NFIA: variants seen among roughly 807,000 people sequenced by gnomAD.
NFIA encodes nuclear factor I A.
NFIA carries 8 observed loss-of-function variants against 62.8 expected under a neutral mutation model. The ratio of observed to expected loss-of-function variants is 0.13; its 90% CI spans 0.07 to 0.23. NFIA has a LOEUF of 0.23. NFIA is among the 10% of genes least tolerant of loss of function. The pLI is 1.00. For synonymous variants in NFIA, 235 were observed against 238.1 expected (o/e 0.99, Z 0.12); for missense variants, 410 against 642.1 (o/e 0.64, Z 3.91).
intron 2 of NFIA, among the ~76,000 whole-genome samples, chr1:61,170,029 G>A (rs1172864503): frequency 6.6e-6 from 1 of 152,106 alleles, no homozygotes; most frequent in Non-Finnish European, 1.5e-5. Flanking sequence ...GTAGTCGTTG[G>A]GCATTTGTTG....
At chr1:61,213,445 G>A (rs1332037495) in intron 2 of NFIA, among the ~76,000 whole-genome samples, 1 of 152,180 alleles carries the variant, frequency 6.6e-6, no homozygotes, top group East Asian at 1.9e-4. Flanking sequence ...ATGTAACCCT[G>A]TTCATGATGG....
chr1:61,098,321 A>C (rs1049547772), intron 2 of NFIA, among the ~76,000 whole-genome samples: 8 of 152,254 alleles, frequency 5.3e-5, no homozygotes, highest in Admixed American at 3.3e-4. Context: ...AATGAAGCAA[A>C]GATTCTAGAT....
At chr1:61,137,649 C>A (rs192293208) in intron 2 of NFIA, among the ~76,000 whole-genome samples, 1 of 152,124 alleles carries the variant, frequency 6.6e-6, no homozygotes, top group African/African-American at 2.4e-5. Context: ...TGGGCGTTAG[C>A]ATTTTTTAAA....
intron 9 of NFIA, among the ~76,000 whole-genome samples, chr1:61,411,576 T>A (rs2474375): frequency 0.76 from 115,248 of 151,952 alleles, 44,941 homozygotes; most frequent in East Asian, 0.98. Context: ...GCACTCTTCT[T>A]GGTGCTAGGA....
chr1:61,132,825 T>A (rs1647104576), intron 2 of NFIA: 1 of 152,202 alleles, frequency 6.6e-6, no homozygotes, highest in Non-Finnish European at 1.5e-5. Context: ...TCAGATTTTC[T>A]TACACAATAG....
At chr1:61,372,073 C>T (rs1663915416) in intron 6 of NFIA, among the ~76,000 whole-genome samples, 1 of 152,112 alleles carries the variant, frequency 6.6e-6, no homozygotes, top group Non-Finnish European at 1.5e-5. Flanking sequence ...AGTGTTAAAT[C>T]ATGACTCCAG....
At chr1:61,428,851 A>G (rs1439336297) in intron 10 of NFIA, among the ~76,000 whole-genome samples, 1 of 152,182 alleles carries the variant, frequency 6.6e-6, no homozygotes, top group Non-Finnish European at 1.5e-5. Flanking sequence ...CATGACATTT[A>G]TATTAATTGA....
At chr1:61,234,460 G>A (rs558631117) in intron 2 of NFIA, among the ~76,000 whole-genome samples, 4 of 151,898 alleles carry the variant, frequency 2.6e-5, no homozygotes, top group Admixed American at 6.6e-5. Context: ...TGCGTTATGC[G>A]GGTATACGTC....
intron 2 of NFIA, among the ~76,000 whole-genome samples, chr1:61,198,646 G>A (rs957384392): frequency 3.3e-5 from 5 of 152,266 alleles, no homozygotes; most frequent in Admixed American, 6.5e-5. Context: ...GGCAGGCAGC[G>A]TCTGTATGCG....
At chr1:61,171,306 G>A (rs1649950860) in intron 2 of NFIA, among the ~76,000 whole-genome samples, 1 of 152,124 alleles carries the variant, frequency 6.6e-6, no homozygotes, top group South Asian at 2.1e-4. Flanking sequence ...AAAAAGCCGA[G>A]CAAATCGAAA....
chr1:61,268,199 TACCC>T (rs755942070), intron 2 of NFIA, among the ~76,000 whole-genome samples: 3 of 152,170 alleles, frequency 2.0e-5, no homozygotes, highest in Admixed American at 1.3e-4. Context: ...ATTCCTGATT[TACCC>T]AACCACAGAA....
chr1:61,439,902 T>C (rs1382046949), intron 10 of NFIA, among the ~76,000 whole-genome samples: 1 of 152,250 alleles, frequency 6.6e-6, no homozygotes, highest in Non-Finnish European at 1.5e-5. Flanking sequence ...TTTGGTTAAG[T>C]GCACATCTTT....
chr1:61,090,460 C>T (rs1410760369), intron 2 of NFIA, among the ~76,000 whole-genome samples: 3 of 152,232 alleles, frequency 2.0e-5, no homozygotes, highest in African/African-American at 4.8e-5. Flanking sequence ...TCTAAGTTTT[C>T]GTCTTAAACA....
At chr1:61,098,471 C>G (rs749222100) in intron 2 of NFIA, among the ~76,000 whole-genome samples, 2 of 152,234 alleles carry the variant, frequency 1.3e-5, no homozygotes, top group Non-Finnish European at 2.9e-5. Flanking sequence ...GTTGGCTTTC[C>G]TCCCCCTCTT....
intron 7 of NFIA, among the ~76,000 whole-genome samples, chr1:61,395,478 T>A (rs1323475167): frequency 1.3e-5 from 2 of 152,158 alleles, no homozygotes; most frequent in Non-Finnish European, 2.9e-5. Context: ...ATCTCTGGAA[T>A]CATCCAATCT....
intron 4 of NFIA, among the ~76,000 whole-genome samples, chr1:61,334,868 C>T (rs1047243703): frequency 2.0e-5 from 3 of 152,104 alleles, no homozygotes; most frequent in Non-Finnish European, 4.4e-5. Context: ...CCTCCTCCTT[C>T]CACTCCCTGT....
intron 6 of NFIA, among the ~76,000 whole-genome samples, chr1:61,375,060 G>A (rs551284197): frequency 2.5e-4 from 38 of 152,160 alleles, no homozygotes; most frequent in Non-Finnish European, 4.7e-4. Context: ...TCCCTTAACC[G>A]TGGGATTCTT....
At chr1:61,143,468 C>T (rs778673397) in intron 2 of NFIA, among the ~76,000 whole-genome samples, 4 of 152,130 alleles carry the variant, frequency 2.6e-5, no homozygotes, top group Non-Finnish European at 4.4e-5. Flanking sequence ...CAGCTCATTG[C>T]AACCTCTGAC....
At chr1:61,253,948 C>T (rs750115121) in intron 2 of NFIA, among the ~76,000 whole-genome samples, 16 of 151,512 alleles carry the variant, frequency 1.1e-4, no homozygotes, top group Non-Finnish European at 1.6e-4. Flanking sequence ...ATTTTTAAAA[C>T]TTTTTTTTTC....
Sources: allele counts gnomAD v4.1 joint callset (sites outside exome capture counted in the v4.1 genomes callset), GRCh38; gene constraint gnomAD v4.1.1; transcripts MANE v1.5; gene names NCBI Gene and HGNC (gene_info 2026-07-23, HGNC 2026-07-21).